Variants in CFAP69 observed in about 807,000 individuals in gnomAD.
The protein encoded by CFAP69 is cilia- and flagella-associated protein 69.
In CFAP69, 92 loss-of-function variants were observed where a neutral mutation model predicts 123.0. That is an observed-to-expected ratio of 0.75 (90% CI 0.63 to 0.89). CFAP69 has a LOEUF of 0.89. Ranked by LOEUF, CFAP69 falls within the 40% of genes least tolerant of loss-of-function variation. The pLI is 0.00. For synonymous variants in CFAP69, 380 were observed against 364.3 expected (o/e 1.04, Z -0.49); for missense variants, 1,067 against 1,096.9 (o/e 0.97, Z 0.39).
At chr7:90,301,277 A>G (rs1792765542) in intron 17 of CFAP69, 1 of 151,674 alleles carries the variant, frequency 6.6e-6, no homozygotes, top group Non-Finnish European at 1.5e-5. Flanking sequence ...CCGCCTACAT[A>G]TTCTAAGCCT....
In CFAP69 at chr7:90,278,398, G is replaced by A. The variant is rs369160785; in HGVS notation, c.1155+1064G>A. ...TTTTCAAATGCTCAGGAAAAGAAAA[G>A]TTGTCTTTATAATTATAACTTTATT... On this transcript the variant is annotated intron_variant, in intron 11 of 22. Coordinates refer to ENST00000389297, the MANE Select transcript of CFAP69 (RefSeq NM_001039706.3). 5.0e-4 allele frequency among the ~76,000 whole-genome samples: 76 copies of A among 152,128 alleles called. 1 individual carries two copies. In the South Asian group the frequency reaches 0.016, roughly 32 times the overall value.
At chr7:90,304,715 TA>T (rs1235947768) in intron 18 of CFAP69, 28 bp from the exon 19 acceptor site, 2 of 1,591,344 alleles carry the variant, frequency 1.3e-6, no homozygotes, top group Non-Finnish European at 1.7e-6. Flanking sequence ...TCTGCTAAAG[TA>T]ATTCTGTCTT....
chr7:90,304,304 A>T, intron 18 of CFAP69, 198 bp downstream of exon 18: 1 of 1,298,268 alleles, frequency 7.7e-7, no homozygotes, highest in South Asian at 2.3e-5. Flanking sequence ...TCCAGGCAAT[A>T]GTATTTTTTA....
rs1234245817 is a variant in CFAP69, at chr7:90,303,989, A to G, written c.2071A>G (p.Thr691Ala). The G allele has an allele frequency of 3.9e-6, 6 of 1,549,938 alleles. No homozygotes were observed. The Admixed American group carries it at 1.2e-4, about 30-fold the overall frequency. Residue 691 changes from threonine (T) to alanine (A), a missense_variant, in exon 18 of 23, where the codon ACT (threonine) becomes GCT (alanine). Coordinates refer to ENST00000389297, the MANE Select transcript of CFAP69 (RefSeq NM_001039706.3). ...KIIDTKKPLF[T>A]SFQEEQKIIP... ...ATTAGATACAAAAAAACCTCTATTT[A>G]CTAGCTTTCAAGAAGAGCAAAAAAT...
chr7:90,320,080 A>T, the CFAP69 span, among the ~76,000 whole-genome samples: 1 of 152,244 alleles, frequency 6.6e-6, no homozygotes, highest in African/African-American at 2.4e-5. Flanking sequence ...TTAGATCATT[A>T]GTGATACGGT....
At chr7:90,304,303 T>C in intron 18 of CFAP69, 197 bp downstream of exon 18, 2 of 1,296,810 alleles carry the variant, frequency 1.5e-6, no homozygotes, top group Non-Finnish European at 2.0e-6. Context: ...ATCCAGGCAA[T>C]AGTATTTTTT....
chr7:90,304,338 T>C, intron 18 of CFAP69: 1 of 1,278,866 alleles, frequency 7.8e-7, no homozygotes, highest in Non-Finnish European at 9.8e-7. Context: ...AATTCCAATG[T>C]GCAGATAGGA....
intron 4 of CFAP69, 22 bp from the exon 5 acceptor site, chr7:90,265,279 C>T: frequency 6.6e-7 from 1 of 1,523,790 alleles, no homozygotes. Context: ...ATTACTGTTA[C>T]AATTCTTCAT....
chr7:90,317,781 G>A, the CFAP69 span: 2 of 152,118 alleles, frequency 1.3e-5, no homozygotes, highest in African/African-American at 2.4e-5. Context: ...CAGGCAGTTC[G>A]TTACTTGTTC....
chr7:90,279,805 A>C lies in CFAP69; in HGVS notation c.1284A>C (p.Ser428=), dbSNP rs752904110. The change falls in exon 12 of 23, where the codon TCA becomes TCC. Residue 428 remains serine (S), a synonymous_variant. Transcript: ENST00000389297. ...AACTGCATGCAATTGCCACTTTGTC[A>C]TCAGTGGCTCCTTTATTAATAGAAG... ...ELQLHAIATL[S]SVAPLLIEEY... is the part of the protein sequence containing the mutation. 6.2e-7 allele frequency: 1 copy of C among 1,612,844 alleles called. No homozygotes were observed. The highest frequency in any genetic ancestry group is 1.3e-5 in the African/African-American group (1 of 75,010).
rs559399268 is a variant in CFAP69 at position 90,286,456 on chromosome 7, T to A, written c.1656+57T>A. On this transcript the variant is annotated intron_variant, in intron 14 of 22. Transcript: ENST00000389297. ...CTCCCAGTCACCTAACACTATAAAC[T>A]ATTTTTGGAAGTCTCTATAATTGTA... 152 of 1,541,666 alleles carry A rather than the reference T, an allele frequency of 9.9e-5. 1 individual carries two copies. In the East Asian group the frequency reaches 2.6e-3, roughly 26 times the overall value.
chr7:90,264,104 A>AAAAAAATATAT (rs1554354285), intron 4 of CFAP69, among the ~76,000 whole-genome samples: 1 of 48,890 alleles, frequency 2.0e-5, no homozygotes, highest in Non-Finnish European at 4.0e-5. Context: ...AAAAAAAAAA[A>AAAAAAATATAT]ATATATATAT....
At chr7:90,272,327 G>A (rs2116925298) in intron 8 of CFAP69, 1 of 162,470 alleles carries the variant, frequency 6.2e-6, no homozygotes, top group Admixed American at 6.4e-5. Flanking sequence ...CCTTCAAGTT[G>A]CTTCTTCACT....
chr7:90,278,629 A>G (rs1788962565), intron 11 of CFAP69, among the ~76,000 whole-genome samples: 1 of 152,152 alleles, frequency 6.6e-6, no homozygotes, highest in South Asian at 2.1e-4. Flanking sequence ...AACACTTTAT[A>G]GGCAACAGAG....
chr7:90,277,233 G>T lies in CFAP69; in HGVS notation c.1054G>T (p.Val352Leu). ...CACAGTTAAAAGTCAAAATCTTTTGGTAAAAGGACTTAAGCTTTCTAATTC... is the reference window on the plus strand; with the variant it reads ...CACAGTTAAAAGTCAAAATCTTTTGTTAAAAGGACTTAAGCTTTCTAATTC... ...FNEVKSQNLL[V>L]KGLKLSNSYE... is the part of the protein sequence containing the mutation. Residue 352 changes from valine to leucine, a missense_variant, in exon 11 of 23, where the codon GTA (valine) becomes TTA (leucine). Transcript: ENST00000389297. 1 of 1,588,662 alleles carries T rather than the reference G, an allele frequency of 6.3e-7. No individual in the cohort carries two copies. The highest frequency in any genetic ancestry group is 8.5e-7 in the Non-Finnish European group (1 of 1,171,466).
intron 1 of CFAP69, among the ~76,000 whole-genome samples, chr7:90,246,485 G>C (rs1015131538): frequency 6.6e-6 from 1 of 152,206 alleles, no homozygotes; most frequent in African/African-American, 2.4e-5. Flanking sequence ...CCTTGGGAGT[G>C]GTCAGTTGAC....
At chr7:90,265,760 T>C (rs1222850559) in intron 5 of CFAP69, among the ~76,000 whole-genome samples, 2 of 152,208 alleles carry the variant, frequency 1.3e-5, no homozygotes, top group Non-Finnish European at 2.9e-5. Flanking sequence ...ATAGAATTAT[T>C]CATTAAATGA....
chr7:90,305,264 C>T (rs1793394114), intron 19 of CFAP69, among the ~76,000 whole-genome samples: 1 of 150,518 alleles, frequency 6.6e-6, no homozygotes, highest in Non-Finnish European at 1.5e-5. Flanking sequence ...TGATGTGAAC[C>T]TGGAAGGTGG....
chr7:90,315,610 G>A (rs929553700), downstream of CFAP69, among the ~76,000 whole-genome samples: 3 of 152,190 alleles, frequency 2.0e-5, no homozygotes, highest in African/African-American at 7.2e-5. Flanking sequence ...GATTGGTGGA[G>A]AGTGGGAAGA....
Sources: allele counts gnomAD v4.1 joint callset (sites outside exome capture counted in the v4.1 genomes callset), GRCh38; gene constraint gnomAD v4.1.1; transcripts MANE v1.5; gene names NCBI Gene and HGNC (gene_info 2026-07-23, HGNC 2026-07-21).